The following C10orf90 variants were observed in gnomAD, a reference collection of about 807,000 sequenced individuals.
C10orf90 encodes (E2-independent) E3 ubiquitin-conjugating enzyme FATS.
C10orf90 carries 56 observed loss-of-function variants against 62.5 expected under a neutral mutation model. The ratio of observed to expected loss-of-function variants is 0.90; its 90% CI spans 0.72 to 1.12. The LOEUF (loss-of-function observed/expected upper bound fraction) is 1.12, where lower values mean the gene tolerates loss of function less well. Ranked by LOEUF, C10orf90 falls within the 50% of genes most tolerant of loss-of-function variation. The probability of loss-of-function intolerance (pLI) is 0.00; values close to 1 mark genes in which losing one functional copy is unlikely to be tolerated. For synonymous variants in C10orf90, 386 were observed against 340.4 expected (o/e 1.13, Z -1.47); for missense variants, 970 against 880.4 (o/e 1.10, Z -1.29).
At chr10:126,642,292 G>A (rs1846074924) in intron 2 of C10orf90, among the ~76,000 whole-genome samples, 1 of 152,156 alleles carries the variant, frequency 6.6e-6, no homozygotes, top group African/African-American at 2.4e-5. Context: ...CAGCACTTTG[G>A]GAGGCCAAGG....
chr10:126,555,400 C>G (rs922798459), intron 2 of C10orf90, among the ~76,000 whole-genome samples: 1 of 152,048 alleles, frequency 6.6e-6, no homozygotes, highest in African/African-American at 2.4e-5. Flanking sequence ...AGGCTGGGCA[C>G]GGTGACTCAT....
Position 126,496,807 on chromosome 10 carries a change from G to A in C10orf90, c.1534+7150C>T, listed in dbSNP as rs1186391529. 2.8e-5 allele frequency: 20 copies of A among 726,066 alleles called. No homozygotes were observed. In the South Asian group the frequency reaches 3.7e-4, roughly 14 times the overall value. 45.0% of individuals were successfully genotyped at this position (726,066 alleles called of 1,614,324 possible). On this transcript the variant is annotated intron_variant, in intron 4 of 9. Transcript: ENST00000488181. ...GCATGGGCTTTGTTGGGTCATCAAC[G>A]TAACCTGTCCTCCACCCAGCCCACA...
chr10:126,516,639 C>T (rs1477063001), intron 2 of C10orf90, among the ~76,000 whole-genome samples: 7 of 152,286 alleles, frequency 4.6e-5, no homozygotes, highest in Non-Finnish European at 8.8e-5. Flanking sequence ...AGCAGGGAGG[C>T]GGAGGGACTG....
intron 7 of C10orf90, among the ~76,000 whole-genome samples, chr10:126,431,924 A>G (rs933418163): frequency 2.0e-5 from 3 of 152,178 alleles, no homozygotes; most frequent in African/African-American, 7.2e-5. Context: ...AACTCGGCTC[A>G]GCCTGCTGTG....
intron 2 of C10orf90, among the ~76,000 whole-genome samples, chr10:126,637,571 A>G (rs12769087): frequency 0.081 from 12,384 of 152,300 alleles, 584 homozygotes; most frequent in Middle Eastern, 0.15. Flanking sequence ...AAAGGTGGAC[A>G]CCACCGATTG....
chr10:126,504,505 G>A lies in C10orf90; in HGVS notation c.986C>T (p.Thr329Ile), dbSNP rs745911221. 2 of 1,614,202 alleles carry A rather than the reference G, an allele frequency of 1.2e-6. No homozygotes were observed. Among genetic ancestry groups the A allele is most frequent in the East Asian group, 2.2e-5 (1 of 44,874 alleles). Residue 329 changes from threonine to isoleucine, a missense_variant, in exon 4 of 10, where the codon ACC becomes ATC. Coordinates refer to ENST00000488181, the MANE Select transcript of C10orf90 (RefSeq NM_001350921.2). This position sits in a 1 kb window ranked among gnomAD's most constrained non-coding sequence, Gnocchi z 4.1. ...CAGTGGGGTGTCTGGAGAAAAACTG[G>A]TCTCTTTGTCGTCTGCATGGGTGAC... ...YWVTHADDKE[T>I]SFSPDTPLSG...
chr10:126,446,562 AG>A (rs1858797759), intron 7 of C10orf90, among the ~76,000 whole-genome samples: 1 of 152,160 alleles, frequency 6.6e-6, no homozygotes, highest in South Asian at 2.1e-4. Context: ...TGAGAGATAA[AG>A]GCTTTGTCAA....
rs551973906 is a variant in C10orf90, at chr10:126,477,076, A to ATTTTTTTTTTTTT, written c.1535-12103_1535-12091dup. ...AGGTGCCCAACATCACGCCTGGCTA[A>ATTTTTTTTTTTTT]TTTTTTTTTTTTTTTTTTTTTTTTT... On this transcript the variant is annotated intron_variant, in intron 4 of 9. Coordinates refer to ENST00000488181, the MANE Select transcript of C10orf90 (RefSeq NM_001350921.2). 4.1e-4 allele frequency among the ~76,000 whole-genome samples: 23 copies of ATTTTTTTTTTTTT among 56,480 alleles called. 4 individuals carry two copies. The highest frequency in any genetic ancestry group is 6.2e-4 in the Non-Finnish European group (19 of 30,886). 37.1% of individuals were successfully genotyped at this position (56,480 alleles called of 152,430 possible).
At chr10:126,492,975 A>C (rs963792952) in intron 4 of C10orf90, among the ~76,000 whole-genome samples, 1 of 152,202 alleles carries the variant, frequency 6.6e-6, no homozygotes, top group African/African-American at 2.4e-5. Flanking sequence ...AAAATGTAAA[A>C]TGGAAACAAT....
At chr10:126,592,116 T>C (rs1365483774) in intron 2 of C10orf90, among the ~76,000 whole-genome samples, 4 of 152,224 alleles carry the variant, frequency 2.6e-5, no homozygotes, top group Non-Finnish European at 4.4e-5. Flanking sequence ...AAAATAGCCA[T>C]ACTGCCCAAA....
intron 7 of C10orf90, among the ~76,000 whole-genome samples, chr10:126,452,547 T>C (rs1414958250): frequency 1.3e-5 from 2 of 152,212 alleles, no homozygotes; most frequent in African/African-American, 4.8e-5. Flanking sequence ...TCAAGGCAAT[T>C]GGGAAATGTA....
intron 1 of C10orf90, among the ~76,000 whole-genome samples, chr10:126,656,239 A>G (rs1036175663): frequency 2.6e-5 from 4 of 152,222 alleles, no homozygotes; most frequent in Non-Finnish European, 5.9e-5. Context: ...TTCTAAAGGC[A>G]AAGAAATGTT....
intron 1 of C10orf90, among the ~76,000 whole-genome samples, chr10:126,653,343 CA>C (rs1846328415): frequency 6.6e-6 from 1 of 152,216 alleles, no homozygotes; most frequent in Admixed American, 6.5e-5. Flanking sequence ...CAAACCTCAC[CA>C]CTGCTCTATC....
intron 2 of C10orf90, among the ~76,000 whole-genome samples, chr10:126,553,662 A>C (rs1864690076): frequency 6.6e-6 from 1 of 152,134 alleles, no homozygotes; most frequent in Non-Finnish European, 1.5e-5. Context: ...CAGGTTTGTA[A>C]CCTAGGGGTA....
chr10:126,560,053 C>A (rs1245697054), intron 2 of C10orf90, among the ~76,000 whole-genome samples: 3 of 152,148 alleles, frequency 2.0e-5, no homozygotes, highest in African/African-American at 7.2e-5. Context: ...GGTAGGCTGC[C>A]TGAAGGTTAT....
intron 2 of C10orf90, among the ~76,000 whole-genome samples, chr10:126,580,946 A>C (rs10629622): frequency 6.6e-6 from 1 of 151,972 alleles, no homozygotes; most frequent in Non-Finnish European, 1.5e-5. Flanking sequence ...GTTCTTGGCC[A>C]TTTTTCCAAC....
intron 3 of C10orf90, among the ~76,000 whole-genome samples, chr10:126,506,186 T>C (rs1295304976): frequency 2.0e-5 from 3 of 152,224 alleles, no homozygotes; most frequent in Admixed American, 6.5e-5. Context: ...AGATTGTTTG[T>C]CCTAACAGTA....
chr10:126,605,487 G>C (rs1377175915), intron 2 of C10orf90, among the ~76,000 whole-genome samples: 1 of 152,194 alleles, frequency 6.6e-6, no homozygotes, highest in Non-Finnish European at 1.5e-5. Flanking sequence ...TCCTTGGAGA[G>C]GCCCCTGCGC....
chr10:126,659,873 A>C (rs746440387), intron 1 of C10orf90, among the ~76,000 whole-genome samples: 1 of 152,252 alleles, frequency 6.6e-6, no homozygotes, highest in African/African-American at 2.4e-5. Context: ...CCAGGTGCTC[A>C]TCTAACACAT....
Sources: gnomAD v4.1 joint callset for allele counts (sites outside exome capture counted in the v4.1 genomes callset) on GRCh38, gnomAD v4.1.1 for gene constraint, Gnocchi (gnomAD v3.1) non-coding constraint, MANE v1.5 for transcripts, NCBI Gene and HGNC (gene_info 2026-07-23, HGNC 2026-07-21) for gene names.